The following PCDHGB6 variants were observed in gnomAD, a reference collection of about 807,000 sequenced individuals.
PCDHGB6 encodes protocadherin gamma-B6.
A neutral mutation model predicts 59.1 loss-of-function variants in PCDHGB6; 51 were observed. The observed-to-expected ratio is 0.86, with a 90% CI of 0.69 to 1.09. The LOEUF is 1.09. Among genes scored for constraint, PCDHGB6 ranks in the 50% least tolerant of loss-of-function variants. The pLI, the probability that PCDHGB6 is intolerant of heterozygous loss-of-function variation, is 0.00. For missense variants in PCDHGB6, 1,148 were observed against 1,205.1 expected, an observed-to-expected ratio of 0.95 and a Z score of 0.70; for synonymous variants, 466 against 495.1, an observed-to-expected ratio of 0.94 and a Z score of 0.78.
intron 2 of PCDHGB6, among the ~76,000 whole-genome samples, 170 bp from the exon 3 acceptor site, chr5:141,505,223 A>G (rs746167057): frequency 1.9e-4 from 29 of 152,176 alleles, no homozygotes; most frequent in Admixed American, 6.5e-5. Flanking sequence ...GACTTGTGGG[A>G]TTCTGGCTTC....
chr5:141,430,399 T>C (rs2097282187), intron 1 of PCDHGB6, among the ~76,000 whole-genome samples: 1 of 150,106 alleles, frequency 6.7e-6, no homozygotes, highest in African/African-American at 2.4e-5. Flanking sequence ...AAAAAAAAGC[T>C]CACTAAAGTT....
In PCDHGB6 at chr5:141,490,052, A is replaced by G. The variant is rs774710472; in HGVS notation, c.2419-4755A>G. 11 of 1,614,098 alleles carry G rather than the reference A, an allele frequency of 6.8e-6. No homozygotes were observed. The highest frequency in any genetic ancestry group is 9.3e-6 in the Non-Finnish European group (11 of 1,180,014). On this transcript the variant is annotated intron_variant, in intron 1 of 3. Transcript: ENST00000520790. The surrounding 1 kb of genome is among the most constrained non-coding windows in gnomAD (Gnocchi z 5.4). ...CGCCTCAATGCCACTGATCCAGACG[A>G]GGGCACCAACGGCCAACTAGACTAT... is the stretch of plus-strand genomic sequence containing the variant.
intron 1 of PCDHGB6, among the ~76,000 whole-genome samples, chr5:141,429,720 A>G (rs571388976): frequency 6.6e-6 from 1 of 152,340 alleles, no homozygotes; most frequent in South Asian, 2.1e-4. Context: ...TACGCTCATG[A>G]AAGTACGTAG....
At chr5:141,428,320 T>G in intron 1 of PCDHGB6, 2 of 650,176 alleles carry the variant, frequency 3.1e-6, no homozygotes, top group Non-Finnish European at 5.5e-6. Context: ...GGCCTTGGCC[T>G]TGATTTCTAT....
At chr5:141,478,088 A>G (rs2099429877) in intron 1 of PCDHGB6, 2 of 1,613,944 alleles carry the variant, frequency 1.2e-6, no homozygotes, top group African/African-American at 1.3e-5. Context: ...TTCGCTCTCC[A>G]CCACTGCTAC....
chr5:141,415,167 C>T (rs769256903), intron 1 of PCDHGB6: 3 of 1,613,894 alleles, frequency 1.9e-6, no homozygotes, highest in Admixed American at 3.3e-5. Flanking sequence ...CTGTCACGCT[C>T]ACCGTGGCCG....
At position 141,432,143 on chromosome 5, in the gene PCDHGB6, C is replaced by A; in HGVS notation, c.2418+21523C>A. The A allele has an allele frequency of 6.2e-7, 1 of 1,614,084 alleles. No homozygotes were observed. Among genetic ancestry groups the A allele is most frequent in the South Asian group, 1.1e-5 (1 of 91,068 alleles). On this transcript the variant is annotated intron_variant, in intron 1 of 3. Transcript: ENST00000520790. The surrounding 1 kb of genome is among the most constrained non-coding windows in gnomAD (Gnocchi z 6.0). ...TCAGGCCTCCTATTCCGCTTATATC[C>A]CAGAGAACAATCCCAGAGGAGTTTC... is the stretch of plus-strand genomic sequence containing the variant.
chr5:141,423,006 T>A, intron 1 of PCDHGB6: 2 of 1,614,198 alleles, frequency 1.2e-6, no homozygotes, highest in Non-Finnish European at 1.7e-6. Context: ...CCAAGGTGGT[T>A]GCGGTGGACA....
Position 141,476,512 on chromosome 5 carries a change from T to C in PCDHGB6, c.2419-18295T>C, listed in dbSNP as rs1171240377. ...TGATCCAGGACATCAACGACAACAA[T>C]CCTGCTTTCCCTACCCAGGAAATGA... On this transcript the variant is annotated intron_variant, in intron 1 of 3. Transcript: ENST00000520790. This position sits in a 1 kb window ranked among gnomAD's most constrained non-coding sequence, Gnocchi z 7.6. The C allele has an allele frequency of 6.2e-7, 1 of 1,613,642 alleles. No homozygotes were observed. Among genetic ancestry groups the C allele is most frequent in the Non-Finnish European group, 8.5e-7 (1 of 1,179,940 alleles).
chr5:141,497,032 T>C (rs1206131945), intron 2 of PCDHGB6, among the ~76,000 whole-genome samples: 1 of 151,652 alleles, frequency 6.6e-6, no homozygotes, highest in East Asian at 1.9e-4. Flanking sequence ...CGATTAAAAA[T>C]ACAAAAATTA....
intron 1 of PCDHGB6, among the ~76,000 whole-genome samples, chr5:141,450,047 C>T (rs2098667027): frequency 2.2e-5 from 3 of 136,836 alleles, no homozygotes; most frequent in African/African-American, 8.5e-5. Flanking sequence ...CACTCTTTCG[C>T]CCAGGCTGGA....
At chr5:141,497,956 C>T (rs2099780659) in intron 2 of PCDHGB6, among the ~76,000 whole-genome samples, 1 of 152,214 alleles carries the variant, frequency 6.6e-6, no homozygotes, top group African/African-American at 2.4e-5. Flanking sequence ...TTCTGTTGGC[C>T]AGGCAGTGTT....
intron 1 of PCDHGB6, among the ~76,000 whole-genome samples, chr5:141,482,875 C>T (rs2099573976): frequency 6.6e-6 from 1 of 151,958 alleles, no homozygotes; most frequent in African/African-American, 2.4e-5. Context: ...AGTTTGAAAC[C>T]AGCCTGGCCA....
Position 141,490,226 on chromosome 5 carries a change from C to T in PCDHGB6, c.2419-4581C>T. On this transcript the variant is annotated intron_variant, in intron 1 of 3. Coordinates refer to ENST00000520790, the MANE Select transcript of PCDHGB6 (RefSeq NM_018926.3). This position sits in a 1 kb window ranked among gnomAD's most constrained non-coding sequence, Gnocchi z 5.4. ...AGAGCCCGTGACCAGGGACAGCCTG[C>T]CATGGAGGGCCACTGTGTGATTCAA... The T allele has an allele frequency of 6.2e-7, 1 of 1,614,168 alleles. No homozygotes were observed. Among genetic ancestry groups the T allele is most frequent in the Non-Finnish European group, 8.5e-7 (1 of 1,180,020 alleles).
chr5:141,419,479 C>A, intron 1 of PCDHGB6: 2 of 1,612,390 alleles, frequency 1.2e-6, no homozygotes, highest in Non-Finnish European at 1.7e-6. Flanking sequence ...AGGGCTCGCC[C>A]GCGCTCAGCG....
At chr5:141,435,858 A>C (rs138728159) in intron 1 of PCDHGB6, among the ~76,000 whole-genome samples, 1 of 152,304 alleles carries the variant, frequency 6.6e-6, no homozygotes, top group East Asian at 1.9e-4. Context: ...TACAATAGTT[A>C]AAACCCAGAA....
At chr5:141,443,683 A>C (rs1358937790) in intron 1 of PCDHGB6, among the ~76,000 whole-genome samples, 1 of 152,248 alleles carries the variant, frequency 6.6e-6, no homozygotes, top group Admixed American at 6.5e-5. Flanking sequence ...GTTTACAAAC[A>C]CTTCAAAAAT....
At chr5:141,478,074 A>G in intron 1 of PCDHGB6, 1 of 1,614,090 alleles carries the variant, frequency 6.2e-7, no homozygotes, top group Non-Finnish European at 8.5e-7. Context: ...GACAATGGGG[A>G]GCCTTCGCTC....
Position 141,432,036 on chromosome 5 carries a change from AC to A in PCDHGB6, c.2418+21418del, listed in dbSNP as rs1419691535. The A allele has an allele frequency of 6.2e-7, 1 of 1,614,218 alleles. No individual in the cohort carries two copies. The highest frequency in any genetic ancestry group is 1.3e-5 in the African/African-American group (1 of 75,048). On this transcript the variant is annotated intron_variant, in intron 1 of 3. Coordinates refer to ENST00000520790, the MANE Select transcript of PCDHGB6 (RefSeq NM_018926.3). This position sits in a 1 kb window ranked among gnomAD's most constrained non-coding sequence, Gnocchi z 6.0. ...TACAACATCACAGTGACCGCCACTG[AC>A]CGGGGAACCCCGCCCCTATCCACGG...
Sources: gnomAD v4.1 joint callset for allele counts (sites outside exome capture counted in the v4.1 genomes callset) on GRCh38, gnomAD v4.1.1 for gene constraint, Gnocchi (gnomAD v3.1) non-coding constraint, MANE v1.5 for transcripts, NCBI Gene and HGNC (gene_info 2026-07-23, HGNC 2026-07-21) for gene names.